TRAPPC12: variants seen among roughly 807,000 people sequenced by gnomAD.
TRAPPC12 encodes TPR repeat protein 15.
A neutral mutation model predicts 69.2 loss-of-function variants in TRAPPC12; 61 were observed. The ratio of observed to expected loss-of-function variants is 0.88; its 90% CI spans 0.72 to 1.09. The LOEUF is 1.09. Among genes scored for constraint, TRAPPC12 ranks in the 50% least tolerant of loss-of-function variants. TRAPPC12 has a pLI of 0.00. For missense variants in TRAPPC12, 1,101 were observed against 1,016.4 expected (o/e 1.08, Z -1.13); for synonymous variants, 469 against 438.9 (o/e 1.07, Z -0.86).
At chr2:3,459,483 C>T (rs553982176) in intron 7 of TRAPPC12, among the ~76,000 whole-genome samples, 2 of 152,306 alleles carry the variant, frequency 1.3e-5, no homozygotes, top group Non-Finnish European at 2.9e-5. Context: ...CAGGGCAGCT[C>T]CCAGGGGACC....
intron 9 of TRAPPC12, among the ~76,000 whole-genome samples, chr2:3,471,302 A>G (rs1222986553): frequency 1.3e-5 from 2 of 152,220 alleles, no homozygotes; most frequent in Non-Finnish European, 2.9e-5. Flanking sequence ...CCCTGGCTCA[A>G]ATTACAGAAT....
intron 3 of TRAPPC12, among the ~76,000 whole-genome samples, chr2:3,412,231 G>C (rs965720891): frequency 2.7e-5 from 4 of 150,542 alleles, no homozygotes; most frequent in African/African-American, 9.7e-5. Flanking sequence ...ATTAAGAATA[G>C]GAAGGTTTCA....
At chr2:3,465,763 G>A in intron 9 of TRAPPC12, 68 bp downstream of exon 9, 2 of 1,051,976 alleles carry the variant, frequency 1.9e-6, no homozygotes, top group Non-Finnish European at 3.0e-6. Context: ...ATGGGCGACT[G>A]TTTGCTTTTA....
At chr2:3,465,746 T>C in intron 9 of TRAPPC12, 51 bp downstream of exon 9, 1 of 1,224,050 alleles carries the variant, frequency 8.2e-7, no homozygotes, top group African/African-American at 1.5e-5. Context: ...GATAGTTCTT[T>C]GCTCAGATGG....
At chr2:3,442,588 C>A (rs77327827) in intron 5 of TRAPPC12, among the ~76,000 whole-genome samples, 2 of 152,296 alleles carry the variant, frequency 1.3e-5, no homozygotes, top group East Asian at 3.9e-4. Context: ...AAAGTTTAAA[C>A]ATTTTAAGTT....
intron 9 of TRAPPC12, among the ~76,000 whole-genome samples, chr2:3,474,076 C>T (rs559792414): frequency 1.5e-3 from 225 of 152,264 alleles, no homozygotes; most frequent in Non-Finnish European, 2.4e-3. Context: ...TCCGTGCCAC[C>T]AAGGTGATGA....
At chr2:3,475,303 AG>A (rs1259769463) in intron 9 of TRAPPC12, among the ~76,000 whole-genome samples, 1 of 151,814 alleles carries the variant, frequency 6.6e-6, no homozygotes, top group Non-Finnish European at 1.5e-5. Context: ...AATGGAGACA[AG>A]GTCTCACTTT....
At chr2:3,434,933 G>A (rs536991725) in intron 5 of TRAPPC12, among the ~76,000 whole-genome samples, 16 of 152,336 alleles carry the variant, frequency 1.1e-4, no homozygotes, top group African/African-American at 2.9e-4. Context: ...CATCTGGACC[G>A]AGGGACTGGC....
intron 5 of TRAPPC12, among the ~76,000 whole-genome samples, chr2:3,442,572 A>G (rs1664281884): frequency 6.6e-6 from 1 of 152,250 alleles, no homozygotes; most frequent in Non-Finnish European, 1.5e-5. Flanking sequence ...AGTGGCATCA[A>G]AAAAGAAAGT....
intron 3 of TRAPPC12, among the ~76,000 whole-genome samples, chr2:3,404,731 C>T (rs1412829731): frequency 6.6e-6 from 1 of 151,898 alleles, no homozygotes; most frequent in Non-Finnish European, 1.5e-5. Context: ...GGGTACACGG[C>T]GTCTTCTTGA....
chr2:3,443,880 G>C lies in TRAPPC12; in HGVS notation c.1519G>C (p.Val507Leu). The change falls in exon 6 of 12, where the codon GTC becomes CTC. Residue 507 changes from valine (V) to leucine (L), a missense_variant. By Grantham distance (32) the Val-to-Leu change is conservative (BLOSUM62 1). Transcript: ENST00000324266. The stretch of plus-strand genomic sequence containing the variant: ...GGATAGACTGCACAAGGTGAAGACT[G>C]TCTGCAGCAAGGTAGGTGGCGCTGT... ...SLDRLHKVKT[V>L]CSKILANLEQ... 5 of 1,613,182 alleles carry C rather than the reference G, an allele frequency of 3.1e-6. No individual in the cohort carries two copies. The highest frequency in any genetic ancestry group is 3.4e-6 in the Non-Finnish European group (4 of 1,179,316).
intron 5 of TRAPPC12, among the ~76,000 whole-genome samples, chr2:3,443,370 C>T (rs982790150): frequency 1.0e-4 from 16 of 152,382 alleles, no homozygotes; most frequent in Admixed American, 7.8e-4. Flanking sequence ...CCTTCAGGGT[C>T]TCCTTCTGGG....
intron 3 of TRAPPC12, among the ~76,000 whole-genome samples, chr2:3,420,883 T>C (rs1250615265): frequency 6.6e-6 from 1 of 152,226 alleles, no homozygotes; most frequent in Non-Finnish European, 1.5e-5. Context: ...TGTAAACTCC[T>C]AAACTTCTTG....
chr2:3,408,333 A>C (rs1376908571), intron 3 of TRAPPC12, among the ~76,000 whole-genome samples: 1 of 152,250 alleles, frequency 6.6e-6, no homozygotes, highest in African/African-American at 2.4e-5. Flanking sequence ...GCAATTTAAC[A>C]ATAGCTAATA....
chr2:3,468,802 C>T (rs1014009827), intron 9 of TRAPPC12, among the ~76,000 whole-genome samples: 2 of 152,212 alleles, frequency 1.3e-5, no homozygotes, highest in East Asian at 1.9e-4. Flanking sequence ...ACACCCCACG[C>T]GCCAGCCTCA....
intron 5 of TRAPPC12, among the ~76,000 whole-genome samples, chr2:3,429,609 G>A (rs961979948): frequency 6.6e-6 from 1 of 152,122 alleles, no homozygotes; most frequent in African/African-American, 2.4e-5. Context: ...GTTTCCAGAT[G>A]GATTTGTGCA....
intron 6 of TRAPPC12, chr2:3,456,864 CCA>C: frequency 3.2e-6 from 1 of 309,548 alleles, no homozygotes; most frequent in South Asian, 2.5e-5. Flanking sequence ...CAGGCTTGAG[CCA>C]CCGCTCAATC....
intron 3 of TRAPPC12, among the ~76,000 whole-genome samples, chr2:3,409,778 A>AG (rs1334749180): frequency 2.9e-5 from 4 of 137,156 alleles, no homozygotes; most frequent in South Asian, 2.3e-4. Flanking sequence ...AAAAAAAAAA[A>AG]GGGGAAGAAA....
chr2:3,432,041 C>T (rs919785026), intron 5 of TRAPPC12, among the ~76,000 whole-genome samples: 2 of 152,208 alleles, frequency 1.3e-5, no homozygotes, highest in Non-Finnish European at 2.9e-5. Flanking sequence ...GTACCACATT[C>T]TGCATTAGAT....
Sources: allele counts gnomAD v4.1 joint callset (sites outside exome capture counted in the v4.1 genomes callset), GRCh38; gene constraint gnomAD v4.1.1; transcripts MANE v1.5; gene names NCBI Gene and HGNC (gene_info 2026-07-23, HGNC 2026-07-21).